MAP3K3: variants seen among roughly 807,000 people sequenced by gnomAD.
MAP3K3 encodes the protein MAP/ERK kinase kinase 3.
Under a neutral mutation model 80.9 loss-of-function variants are expected in MAP3K3, and 12 were observed. The observed-to-expected ratio is 0.15, with a 90% CI of 0.10 to 0.24. MAP3K3 has a LOEUF of 0.24. Ranked by LOEUF, MAP3K3 falls within the 10% of genes least tolerant of loss-of-function variation. The pLI is 1.00. For synonymous variants in MAP3K3, 272 were observed against 307.1 expected, an observed-to-expected ratio of 0.89 and a Z score of 1.19; for missense variants, 596 against 834.7, an observed-to-expected ratio of 0.71 and a Z score of 3.52.
chr17:63,664,090 A>G (rs1407063889), intron 5 of MAP3K3, among the ~76,000 whole-genome samples: 1 of 151,672 alleles, frequency 6.6e-6, no homozygotes, highest in African/African-American at 2.4e-5. Context: ...AAAATACAAA[A>G]AAAAAAAATA....
At chr17:63,623,283 AG>A (rs1010009519) in intron 1 of MAP3K3, among the ~76,000 whole-genome samples, 3 of 152,134 alleles carry the variant, frequency 2.0e-5, no homozygotes, top group African/African-American at 7.2e-5. Context: ...GCCCCAGCGC[AG>A]GGGGGAGGGC....
chr17:63,650,871 A>C (rs2034641793), intron 3 of MAP3K3, among the ~76,000 whole-genome samples: 1 of 151,906 alleles, frequency 6.6e-6, no homozygotes, highest in Admixed American at 6.6e-5. Flanking sequence ...TTTTAAAAAA[A>C]TGTTTAGTAG....
rs2035539702 is a variant in MAP3K3, at chr17:63,689,615, C to T, written c.943C>T (p.Leu315=). The change falls in exon 11 of 16, where the codon CTG becomes TTG. Residue 315 remains leucine (L), a synonymous_variant. Transcript: ENST00000361733. This position sits in a 1 kb window ranked among gnomAD's most constrained non-coding sequence, Gnocchi z 4.3. ...CACCCTGGTGCCCTCCAGCCGCTCC[C>T]TGAGCACAAATGGCGAGAACATGGG... ...LFTLVPSSRS[L]STNGENMGLA... 1 of 1,614,054 alleles carries T rather than the reference C, an allele frequency of 6.2e-7. No individual in the cohort carries two copies. Among genetic ancestry groups the T allele is most frequent in the Non-Finnish European group, 8.5e-7 (1 of 1,179,962 alleles).
chr17:63,633,176 C>T (rs183636708), intron 2 of MAP3K3, among the ~76,000 whole-genome samples: 30 of 150,420 alleles, frequency 2.0e-4, no homozygotes, highest in Admixed American at 1.1e-3. Context: ...TGCAGTGAGC[C>T]GAGATAGCAC....
At chr17:63,656,999 G>T (rs2034784923) in intron 4 of MAP3K3, among the ~76,000 whole-genome samples, 2 of 152,092 alleles carry the variant, frequency 1.3e-5, no homozygotes, top group African/African-American at 4.8e-5. Context: ...GAATGGAGGA[G>T]GTAGTTTTCA....
intron 6 of MAP3K3, among the ~76,000 whole-genome samples, chr17:63,668,987 G>C (rs368843929): frequency 2.2e-4 from 33 of 152,314 alleles, no homozygotes; most frequent in African/African-American, 7.9e-4. Context: ...CAAGTAGAGA[G>C]AGATATCTCA....
chr17:63,679,416 A>G (rs926720620), intron 6 of MAP3K3, among the ~76,000 whole-genome samples: 4 of 152,106 alleles, frequency 2.6e-5, no homozygotes, highest in African/African-American at 4.8e-5. Context: ...TCTGCTGTAG[A>G]TGCTTAGTCC....
chr17:63,692,372 C>T lies in MAP3K3; in HGVS notation c.1605C>T (p.Ser535=). 6.2e-7 allele frequency: 1 copy of T among 1,612,844 alleles called. No individual in the cohort carries two copies. Among genetic ancestry groups the T allele is most frequent in the Non-Finnish European group, 8.5e-7 (1 of 1,179,332 alleles). ...RSVTGTPYWM[S]PEVISGEGYG... is the part of the protein sequence containing the mutation. ...TCACTGGCACACCCTACTGGATGAGCCCTGAGGTGATCAGCGGCGAGGGCT... is the reference window on the plus strand; with the variant it reads ...TCACTGGCACACCCTACTGGATGAGTCCTGAGGTGATCAGCGGCGAGGGCT... Residue 535 remains serine (S), a synonymous_variant, in exon 15 of 16, where the codon AGC becomes AGT. Transcript: ENST00000361733. The surrounding 1 kb of genome is among the most constrained non-coding windows in gnomAD (Gnocchi z 4.5).
intron 8 of MAP3K3, chr17:63,688,053 A>G (rs949442900): frequency 4.9e-6 from 1 of 203,026 alleles, no homozygotes; most frequent in Non-Finnish European, 1.0e-5. Flanking sequence ...CTGCTCATCA[A>G]GTGGATCTGC....
At chr17:63,664,201 C>G (rs1014790078) in intron 5 of MAP3K3, among the ~76,000 whole-genome samples, 1 of 137,200 alleles carries the variant, frequency 7.3e-6, no homozygotes, top group Non-Finnish European at 1.5e-5. Context: ...GAGCCGAGAT[C>G]GCGCCACTGC....
chr17:63,666,494 A>G (rs2035002376), intron 5 of MAP3K3, among the ~76,000 whole-genome samples: 1 of 152,174 alleles, frequency 6.6e-6, no homozygotes, highest in Non-Finnish European at 1.5e-5. Context: ...AGATAAATAC[A>G]TATATAGCAA....
At chr17:63,631,998 A>T (rs1436774825) in intron 1 of MAP3K3, among the ~76,000 whole-genome samples, 2 of 152,206 alleles carry the variant, frequency 1.3e-5, no homozygotes. Flanking sequence ...ACACTGTGCC[A>T]TAATCCTCTC....
rs771271392 is a variant in MAP3K3 at position 63,689,687 on chromosome 17, G to A, written c.1015G>A (p.Asp339Asn). 9.9e-6 allele frequency: 16 copies of A among 1,613,996 alleles called. No individual in the cohort carries two copies. In the South Asian group the frequency reaches 1.5e-4, roughly 16 times the overall value. ...CCCCCGTGGGCGCCTGCGGAGTGCG[G>A]ACAGCGAGAATGCCCTCTCTGTGCA... Reference protein sequence around the residue: ...LDPRGRLRSADSENALSVQER... With the variant: ...LDPRGRLRSANSENALSVQER... Residue 339 changes from aspartate to asparagine, a missense_variant, in exon 11 of 16, where the codon GAC becomes AAC. Physicochemically the swap from Asp to Asn is conservative, Grantham distance 23. This residue lies in a region of MAP3K3 where 364 missense variants were observed against 588.9 expected (regional missense o/e 0.62). Transcript: ENST00000361733. The surrounding 1 kb of genome is among the most constrained non-coding windows in gnomAD (Gnocchi z 4.3).
chr17:63,626,929 C>T (rs548555275), intron 1 of MAP3K3, among the ~76,000 whole-genome samples: 1 of 152,070 alleles, frequency 6.6e-6, no homozygotes, highest in Non-Finnish European at 1.5e-5. Context: ...GAGTGTGTGG[C>T]ATAGTAAACA....
At chr17:63,637,222 C>T (rs2034348233) in intron 2 of MAP3K3, 1 of 227,822 alleles carries the variant, frequency 4.4e-6, no homozygotes, top group East Asian at 9.7e-5. Flanking sequence ...GAGTACTGGC[C>T]TAGGAGTCAT....
intron 5 of MAP3K3, among the ~76,000 whole-genome samples, chr17:63,659,776 C>T (rs971483621): frequency 6.6e-6 from 1 of 152,038 alleles, no homozygotes; most frequent in Non-Finnish European, 1.5e-5. Context: ...TGTGATCCGC[C>T]CGCCTTGGCC....
chr17:63,659,971 A>G (rs568288336), intron 5 of MAP3K3, among the ~76,000 whole-genome samples: 7 of 152,246 alleles, frequency 4.6e-5, no homozygotes, highest in South Asian at 4.2e-4. Context: ...AAGTTTTTCA[A>G]AGGGCCCTCT....
At chr17:63,638,547 C>T (rs2034378110) in intron 2 of MAP3K3, among the ~76,000 whole-genome samples, 1 of 152,142 alleles carries the variant, frequency 6.6e-6, no homozygotes, top group Admixed American at 6.6e-5. Context: ...CTGCTGAGTC[C>T]CTGAATCTGT....
At chr17:63,665,297 C>CT (rs1267134161) in intron 5 of MAP3K3, among the ~76,000 whole-genome samples, 2 of 151,952 alleles carry the variant, frequency 1.3e-5, no homozygotes, top group Non-Finnish European at 2.9e-5. Context: ...TCCTGAGTAG[C>CT]TGGGACTACA....
Sources: allele counts gnomAD v4.1 joint callset (sites outside exome capture counted in the v4.1 genomes callset), GRCh38; gene constraint gnomAD v4.1.1; regional missense constraint gnomAD v4.1.1; non-coding constraint Gnocchi (gnomAD v3.1); transcripts MANE v1.5; gene names NCBI Gene and HGNC (gene_info 2026-07-23, HGNC 2026-07-21).